NAA11: variants seen among roughly 807,000 people sequenced by gnomAD.
NAA11 encodes the protein N-alpha-acetyltransferase 11, NatA catalytic subunit.
Under a neutral mutation model 16.1 loss-of-function variants are expected in NAA11, and 15 were observed. That is an observed-to-expected ratio of 0.93 (90% confidence interval 0.62 to 1.44). The LOEUF (loss-of-function observed/expected upper bound fraction) is 1.44, where lower values mean the gene tolerates loss of function less well. Ranked by LOEUF, NAA11 falls within the 40% of genes most tolerant of loss-of-function variation. The pLI is 0.00. For synonymous variants in NAA11, 122 were observed against 112.4 expected (o/e 1.09, Z -0.54); for missense variants, 298 against 291.3 (o/e 1.02, Z -0.17).
At chr4:79,324,621 A>G (rs574027770) in intron 1 of NAA11, among the ~76,000 whole-genome samples, 9 of 152,188 alleles carry the variant, frequency 5.9e-5, no homozygotes, top group Non-Finnish European at 1.2e-4. Flanking sequence ...TTTGGAAAGA[A>G]TATTTCATAG....
intron 2 of NAA11, among the ~76,000 whole-genome samples, chr4:79,275,260 C>T (rs1295704472): frequency 6.6e-6 from 1 of 152,030 alleles, no homozygotes; most frequent in Non-Finnish European, 1.5e-5. Context: ...CTATGTGCCT[C>T]ATGATTTAGA....
intron 2 of NAA11, among the ~76,000 whole-genome samples, chr4:79,239,833 G>A (rs1048535625): frequency 6.6e-6 from 1 of 152,146 alleles, no homozygotes; most frequent in Non-Finnish European, 1.5e-5. Context: ...GTTCTCTAGT[G>A]GTCAGTCATC....
rs1578178013 is a variant in NAA11 at position 79,283,924 on chromosome 4, A to T, written c.*122+10081T>A. Among the ~76,000 whole-genome samples, 4 of 152,100 alleles carry T rather than the reference A, an allele frequency of 2.6e-5. No homozygotes were observed. The South Asian group carries it at 8.3e-4, about 32-fold the overall frequency. On this transcript the variant is annotated intron_variant and NMD_transcript_variant, in intron 2 of 2. Coordinates refer to the NAA11 transcript ENST00000511542. ...TTAATTGGAATTATATTTTTTCCTTACCTATCCATCCCTATTACCTGCCAC... is the reference window on the plus strand; with the variant it reads ...TTAATTGGAATTATATTTTTTCCTTTCCTATCCATCCCTATTACCTGCCAC...
intron 2 of NAA11, among the ~76,000 whole-genome samples, chr4:79,259,515 G>C (rs1430360409): frequency 6.6e-6 from 1 of 152,158 alleles, no homozygotes; most frequent in Non-Finnish European, 1.5e-5. Flanking sequence ...CTCCCTGCCT[G>C]GCTCACCCTT....
chr4:79,285,077 T>C (rs1722877908), intron 2 of NAA11, among the ~76,000 whole-genome samples: 2 of 152,038 alleles, frequency 1.3e-5, no homozygotes, highest in Admixed American at 6.6e-5. Flanking sequence ...ACAGAACCAG[T>C]AGATGGTGGT....
chr4:79,297,629 C>T (rs1314166422), intron 1 of NAA11, among the ~76,000 whole-genome samples: 2 of 152,220 alleles, frequency 1.3e-5, no homozygotes, highest in African/African-American at 4.8e-5. Flanking sequence ...CAGGTGTGCA[C>T]TCACTCGGGG....
intron 2 of NAA11, among the ~76,000 whole-genome samples, chr4:79,287,654 C>CTGGCATGT (rs1722972388): frequency 6.6e-6 from 1 of 151,508 alleles, no homozygotes; most frequent in South Asian, 2.1e-4. Flanking sequence ...GGCTGAATGA[C>CTGGCATGT]TGGCATGTGT....
chr4:79,248,477 A>G (rs1721897128), intron 2 of NAA11, among the ~76,000 whole-genome samples: 1 of 152,102 alleles, frequency 6.6e-6, no homozygotes, highest in African/African-American at 2.4e-5. Flanking sequence ...CTGTGCCACC[A>G]TTGACAACAT....
intron 1 of NAA11, among the ~76,000 whole-genome samples, chr4:79,295,916 A>G (rs1401506980): frequency 6.6e-6 from 1 of 152,166 alleles, no homozygotes; most frequent in Admixed American, 6.5e-5. Context: ...TTCCTCTGAG[A>G]AGTAACATGT....
chr4:79,202,521 TACACACACAC>T, the NAA11 span, among the ~76,000 whole-genome samples: 1 of 135,212 alleles, frequency 7.4e-6, no homozygotes, highest in African/African-American at 2.7e-5. Context: ...TAAACTTTTA[TACACACACAC>T]ACACACACAC....
the NAA11 span, among the ~76,000 whole-genome samples, chr4:79,199,883 C>G: frequency 1.1e-4 from 17 of 151,918 alleles, no homozygotes; most frequent in Admixed American, 9.9e-4. Flanking sequence ...GTCTATGGAG[C>G]TTTGTTCATG....
chr4:79,325,665 A>G lies in NAA11; in HGVS notation c.213T>C (p.His71=). The G allele has an allele frequency of 6.2e-7, 1 of 1,614,080 alleles. No homozygotes were observed. Among genetic ancestry groups the G allele is most frequent in the South Asian group, 1.1e-5 (1 of 91,080 alleles). Residue 71 remains histidine (H), a synonymous_variant, in exon 1 of 2, where the codon CAT becomes CAC. Coordinates refer to ENST00000286794, the MANE Select transcript of NAA11 (RefSeq NM_032693.3). ...AACGCTTCACGGCCAGTGAGGTGAT[A>G]TGGCCATGCGGGACATCATCTGGTT... is the stretch of plus-strand genomic sequence containing the variant. The part of the protein sequence containing the change: ...EEEPDDVPHG[H]ITSLAVKRSH...
the NAA11 span, among the ~76,000 whole-genome samples, chr4:79,162,231 C>A: frequency 6.6e-6 from 1 of 152,076 alleles, no homozygotes. Context: ...AGTAAATATT[C>A]CCATGTATTT....
intron 2 of NAA11, among the ~76,000 whole-genome samples, chr4:79,228,490 C>T (rs1029754522): frequency 6.6e-6 from 1 of 151,930 alleles, no homozygotes; most frequent in African/African-American, 2.4e-5. Context: ...TCTTTATAGT[C>T]ATACCTTCCC....
intron 2 of NAA11, among the ~76,000 whole-genome samples, chr4:79,240,672 G>A (rs1721671817): frequency 6.6e-6 from 1 of 152,082 alleles, no homozygotes; most frequent in Admixed American, 6.6e-5. Context: ...GTCATTTTGG[G>A]CTTCTTATGC....
chr4:79,283,978 T>TTGAA (rs1331707964), intron 2 of NAA11, among the ~76,000 whole-genome samples: 6 of 151,948 alleles, frequency 3.9e-5, no homozygotes, highest in East Asian at 1.9e-4. Context: ...CAAATATTTG[T>TTGAA]TGAATGAATG....
chr4:79,249,779 A>G (rs565316592), intron 2 of NAA11, among the ~76,000 whole-genome samples: 1 of 152,322 alleles, frequency 6.6e-6, no homozygotes, highest in South Asian at 2.1e-4. Flanking sequence ...AAAATACTAC[A>G]CAAGAATACC....
At chr4:79,238,640 G>C (rs1721620744) in intron 2 of NAA11, among the ~76,000 whole-genome samples, 1 of 152,084 alleles carries the variant, frequency 6.6e-6, no homozygotes, top group Admixed American at 6.6e-5. Flanking sequence ...TAAAAGTGAA[G>C]GAAGAAGGGA....
the NAA11 span, among the ~76,000 whole-genome samples, chr4:79,156,396 T>C: frequency 6.6e-6 from 1 of 152,064 alleles, no homozygotes; most frequent in African/African-American, 2.4e-5. Flanking sequence ...AAGTGACTTA[T>C]TTTAAGTAAT....
Sources: gnomAD v4.1 joint callset for allele counts (sites outside exome capture counted in the v4.1 genomes callset) on GRCh38, gnomAD v4.1.1 for gene constraint, MANE v1.5 for transcripts, NCBI Gene and HGNC (gene_info 2026-07-23, HGNC 2026-07-21) for gene names.